ATP2B4: variants seen among roughly 807,000 people sequenced by gnomAD.
The protein encoded by ATP2B4 is ATPase plasma membrane Ca2+ transporting 4.
In ATP2B4, 39 loss-of-function variants were observed where a neutral mutation model predicts 110.3. That is an observed-to-expected ratio of 0.35 (90% CI 0.27 to 0.46). The LOEUF (loss-of-function observed/expected upper bound fraction) is 0.46, where lower values mean the gene tolerates loss of function less well. ATP2B4 is among the 20% of genes least tolerant of loss of function. The pLI is 1.00. For synonymous variants in ATP2B4, 538 were observed against 571.7 expected (o/e 0.94, Z 0.84); for missense variants, 1,135 against 1,530.9 (o/e 0.74, Z 4.32).
intron 1 of ATP2B4, among the ~76,000 whole-genome samples, chr1:203,652,850 T>C (rs1664039954): frequency 6.6e-6 from 1 of 152,178 alleles, no homozygotes; most frequent in Non-Finnish European, 1.5e-5. Flanking sequence ...CTCCTGGGGA[T>C]TCCCTATTCC....
intron 2 of ATP2B4, among the ~76,000 whole-genome samples, chr1:203,687,994 GATTATT>G (rs71145015): frequency 0.011 from 1,490 of 138,640 alleles, 20 homozygotes; most frequent in East Asian, 0.033. Context: ...GAGAGAAAGA[GATTATT>G]ATTATTATTA....
At chr1:203,691,580 G>A (rs984117880) in intron 2 of ATP2B4, among the ~76,000 whole-genome samples, 3 of 152,192 alleles carry the variant, frequency 2.0e-5, no homozygotes, top group Non-Finnish European at 4.4e-5. Context: ...CCTTGGGAAG[G>A]GTTTTGCTGA....
At chr1:203,653,985 A>ATATATATATATTT (rs1426863910) in intron 1 of ATP2B4, among the ~76,000 whole-genome samples, 5 of 112,440 alleles carry the variant, frequency 4.4e-5, no homozygotes, top group African/African-American at 1.6e-4. Context: ...ATATATATAT[A>ATATATATATATTT]TTTTTTTTTT....
intron 10 of ATP2B4, 41 bp from the exon 11 acceptor site, chr1:203,709,259 AG>A: frequency 6.2e-7 from 1 of 1,609,094 alleles, no homozygotes; most frequent in Non-Finnish European, 8.5e-7. Context: ...TGCCTTGTCA[AG>A]GCATCTTACT....
intron 15 of ATP2B4, among the ~76,000 whole-genome samples, chr1:203,716,308 A>G (rs1353182860): frequency 6.9e-6 from 1 of 145,306 alleles, no homozygotes; most frequent in Non-Finnish European, 1.5e-5. Flanking sequence ...AACAGAGTCC[A>G]TTCTTTCCCC....
intron 1 of ATP2B4, among the ~76,000 whole-genome samples, chr1:203,672,847 C>T (rs552454765): frequency 3.3e-5 from 5 of 152,256 alleles, no homozygotes; most frequent in African/African-American, 9.6e-5. Flanking sequence ...CTCTGAACCT[C>T]ACGAGGTGGC....
intron 1 of ATP2B4, among the ~76,000 whole-genome samples, chr1:203,656,809 C>A (rs1664177415): frequency 6.6e-6 from 1 of 152,036 alleles, no homozygotes. Context: ...AAGCAGATTT[C>A]AAAACAAAGA....
At chr1:203,634,495 G>A (rs1232578946) in intron 1 of ATP2B4, among the ~76,000 whole-genome samples, 3 of 152,008 alleles carry the variant, frequency 2.0e-5, no homozygotes, top group Non-Finnish European at 4.4e-5. Flanking sequence ...GTGCCAGACT[G>A]GAACTTTAAA....
intron 20 of ATP2B4, chr1:203,733,456 G>A (rs529809811): frequency 1.4e-5 from 20 of 1,466,020 alleles, no homozygotes; most frequent in African/African-American, 4.3e-5. Flanking sequence ...AAGAGAGCAC[G>A]TGGCATCCAC....
chr1:203,713,362 A>G (rs962762600), intron 14 of ATP2B4, 110 bp downstream of exon 14: 2 of 1,170,130 alleles, frequency 1.7e-6, no homozygotes, highest in African/African-American at 1.5e-5. Context: ...GGGAGGTCCT[A>G]GGAGAGCTCC....
intron 3 of ATP2B4, among the ~76,000 whole-genome samples, chr1:203,699,069 C>A (rs1665615544): frequency 6.6e-6 from 1 of 152,138 alleles, no homozygotes; most frequent in Non-Finnish European, 1.5e-5. Flanking sequence ...ACCAACACCC[C>A]CAGCCAGGAA....
At position 203,723,964 on chromosome 1, in the gene ATP2B4, G is replaced by A. The variant is rs1666426555; in HGVS notation, c.3108G>A (p.Gly1036=). ...LSQWLWCLFI[G]IGELLWGQFI... ...AGTGGCTGTGGTGTCTCTTCATTGG[G>A]ATTGGAGAACTTCTGTGGGGCCAGG... Residue 1036 remains glycine (G), a synonymous_variant, in exon 19 of 21, where the codon GGG becomes GGA. Coordinates refer to ENST00000357681, the MANE Select transcript of ATP2B4 (RefSeq NM_001684.5). The A allele has an allele frequency of 1.9e-6, 3 of 1,611,232 alleles. No homozygotes were observed. The highest frequency in any genetic ancestry group is 3.4e-5 in the Admixed American group (2 of 59,530).
intron 1 of ATP2B4, among the ~76,000 whole-genome samples, chr1:203,655,969 A>G (rs1398532335): frequency 6.6e-6 from 1 of 151,836 alleles, no homozygotes; most frequent in African/African-American, 2.4e-5. Context: ...CAACGGTGCG[A>G]TCTCGGCTCA....
chr1:203,688,781 A>C (rs1409654760), intron 2 of ATP2B4, among the ~76,000 whole-genome samples: 1 of 152,200 alleles, frequency 6.6e-6, no homozygotes, highest in Non-Finnish European at 1.5e-5. Flanking sequence ...AAAAGAGAAG[A>C]AAATTTAGGG....
At chr1:203,687,428 A>AG (rs1013628182) in intron 2 of ATP2B4, among the ~76,000 whole-genome samples, 3 of 152,194 alleles carry the variant, frequency 2.0e-5, no homozygotes, top group Non-Finnish European at 4.4e-5. Context: ...TCCTATAAAA[A>AG]GCCAGCCTGT....
At chr1:203,731,874 AGGAG>A (rs1208383897) in intron 20 of ATP2B4, among the ~76,000 whole-genome samples, 2 of 120,064 alleles carry the variant, frequency 1.7e-5, no homozygotes, top group African/African-American at 5.8e-5. Context: ...AAAAAAAGGA[AGGAG>A]GGAGGAAGGA....
chr1:203,652,173 C>G (rs1472529911), intron 1 of ATP2B4, among the ~76,000 whole-genome samples: 2 of 140,970 alleles, frequency 1.4e-5, no homozygotes, highest in Middle Eastern at 4.1e-3. Context: ...GACACAGAGT[C>G]TCACTCTGTC....
chr1:203,662,134 C>T (rs577772193), intron 1 of ATP2B4, among the ~76,000 whole-genome samples: 2 of 152,188 alleles, frequency 1.3e-5, no homozygotes, highest in Admixed American at 1.3e-4. Context: ...CACCATTCTC[C>T]TGCCTCAGCC....
chr1:203,721,285 C>A lies in ATP2B4; in HGVS notation c.2687C>A (p.Thr896Lys), dbSNP rs528179125. The change falls in exon 17 of 21, where the codon ACG becomes AAG. Residue 896 changes from threonine (T) to lysine (K), a missense_variant. Coordinates refer to ENST00000357681, the MANE Select transcript of ATP2B4 (RefSeq NM_001684.5). ...ASLALATEPP[T>K]ESLLKRRPYG... ...TTGGCCCTGGCCACAGAGCCCCCTA[C>A]GGAATCTCTGTTGAAGCGGCGCCCC... is the stretch of plus-strand genomic sequence containing the variant. 1.2e-6 allele frequency: 2 copies of A among 1,614,236 alleles called. No homozygotes were observed. The highest frequency in any genetic ancestry group is 1.1e-5 in the South Asian group (1 of 91,088).
Sources: allele counts gnomAD v4.1 joint callset (sites outside exome capture counted in the v4.1 genomes callset), GRCh38; gene constraint gnomAD v4.1.1; transcripts MANE v1.5; gene names NCBI Gene and HGNC (gene_info 2026-07-23, HGNC 2026-07-21).